Variants in SLC14A2 observed in about 807,000 individuals in gnomAD.
SLC14A2 encodes urea transporter 2.
In SLC14A2, 91 loss-of-function variants were observed where a neutral mutation model predicts 104.6. The ratio of observed to expected loss-of-function variants is 0.87; its 90% CI spans 0.73 to 1.04. SLC14A2 has a LOEUF of 1.04. SLC14A2 is among the 50% of genes least tolerant of loss of function. The pLI is 0.00. For synonymous variants in SLC14A2, 476 were observed against 466.4 expected (o/e 1.02, Z -0.27); for missense variants, 1,189 against 1,156.0 (o/e 1.03, Z -0.41).
intron 3 of SLC14A2, 120 bp from the exon 4 acceptor site, chr18:45,626,838 G>A: frequency 1.4e-6 from 1 of 699,916 alleles, no homozygotes; most frequent in East Asian, 2.9e-5. Context: ...CCCTGGCCTG[G>A]CTGAATGGGA....
At chr18:45,650,773 C>T (rs532730919) in intron 10 of SLC14A2, among the ~76,000 whole-genome samples, 1 of 152,082 alleles carries the variant, frequency 6.6e-6, no homozygotes, top group South Asian at 2.1e-4. Flanking sequence ...GAGTTTTGTT[C>T]TTGTTGCCCA....
At chr18:45,449,688 A>T (rs538802174) in intron 1 of SLC14A2, among the ~76,000 whole-genome samples, 14 of 152,300 alleles carry the variant, frequency 9.2e-5, no homozygotes, top group Middle Eastern at 3.4e-3. Context: ...CATCATATTA[A>T]GAAGAGAAGG....
At chr18:45,405,618 A>G (rs899037209) in intron 1 of SLC14A2, among the ~76,000 whole-genome samples, 2 of 152,184 alleles carry the variant, frequency 1.3e-5, no homozygotes, top group African/African-American at 4.8e-5. Context: ...CATGCTATCA[A>G]TTGGCCGGGT....
At chr18:45,530,459 G>A (rs1182958833) in intron 2 of SLC14A2, among the ~76,000 whole-genome samples, 6 of 152,062 alleles carry the variant, frequency 3.9e-5, no homozygotes, top group Admixed American at 3.9e-4. Flanking sequence ...AATCTAGACA[G>A]GTTTTCTTTT....
chr18:45,371,919 G>T (rs1445632237), intron 1 of SLC14A2, among the ~76,000 whole-genome samples: 1 of 152,212 alleles, frequency 6.6e-6, no homozygotes, highest in African/African-American at 2.4e-5. Context: ...CTGATGCAGA[G>T]TTAAGTGTTC....
the SLC14A2 span, among the ~76,000 whole-genome samples, chr18:45,178,601 C>T: frequency 6.6e-6 from 1 of 152,200 alleles, no homozygotes; most frequent in Non-Finnish European, 1.5e-5. Flanking sequence ...AATAGAATCA[C>T]TAGTAAAATA....
intron 1 of SLC14A2, among the ~76,000 whole-genome samples, chr18:45,466,964 A>G (rs2087155443): frequency 6.6e-6 from 1 of 152,040 alleles, no homozygotes; most frequent in African/African-American, 2.4e-5. Context: ...TTTCAGGGAC[A>G]TGTGTATTTT....
chr18:45,222,120 C>T (rs2084068341), intron 1 of SLC14A2, among the ~76,000 whole-genome samples: 1 of 152,136 alleles, frequency 6.6e-6, no homozygotes, highest in Admixed American at 6.6e-5. Context: ...AACTACTAGT[C>T]TGGGATTTGA....
At chr18:45,243,947 T>C (rs373560007) in intron 1 of SLC14A2, among the ~76,000 whole-genome samples, 1 of 152,184 alleles carries the variant, frequency 6.6e-6, no homozygotes, top group African/African-American at 2.4e-5. Context: ...ACAAGAGTTA[T>C]GGTATTCGGG....
chr18:45,476,104 G>T (rs1051372571), intron 1 of SLC14A2, among the ~76,000 whole-genome samples: 76 of 152,104 alleles, frequency 5.0e-4, no homozygotes, highest in Non-Finnish European at 1.6e-4. Flanking sequence ...GTATGTTTTT[G>T]CAGTGGCTGG....
chr18:45,377,497 A>G (rs942503799), intron 1 of SLC14A2, among the ~76,000 whole-genome samples: 5 of 152,150 alleles, frequency 3.3e-5, no homozygotes, highest in Non-Finnish European at 7.4e-5. Flanking sequence ...ACCAAAGTCT[A>G]AAACCTAGTC....
At chr18:45,382,968 C>T (rs766010292) in intron 1 of SLC14A2, among the ~76,000 whole-genome samples, 5 of 152,170 alleles carry the variant, frequency 3.3e-5, no homozygotes, top group Non-Finnish European at 7.3e-5. Flanking sequence ...GTCTCCAATG[C>T]AGTGTTGAGA....
chr18:45,648,427 G>T (rs59756331), intron 10 of SLC14A2, among the ~76,000 whole-genome samples: 1 of 151,788 alleles, frequency 6.6e-6, no homozygotes, highest in African/African-American at 2.4e-5. Flanking sequence ...GGATGGTCTC[G>T]ATCTCCTGAC....
At chr18:45,278,123 G>A (rs369074839) in intron 1 of SLC14A2, among the ~76,000 whole-genome samples, 9 of 152,176 alleles carry the variant, frequency 5.9e-5, no homozygotes, top group East Asian at 1.9e-4. Flanking sequence ...TTGACAAAGA[G>A]CTATTTCCAG....
At chr18:45,523,065 G>T (rs2043538613) in intron 2 of SLC14A2, among the ~76,000 whole-genome samples, 1 of 152,196 alleles carries the variant, frequency 6.6e-6, no homozygotes, top group Non-Finnish European at 1.5e-5. Flanking sequence ...GCAAGCTGTA[G>T]TCTGCACTGG....
chr18:45,342,782 G>C (rs1329930580), intron 1 of SLC14A2, among the ~76,000 whole-genome samples: 1 of 152,136 alleles, frequency 6.6e-6, no homozygotes, highest in Non-Finnish European at 1.5e-5. Context: ...TATTCCTAAC[G>C]TCCAAGACCT....
the SLC14A2 span, among the ~76,000 whole-genome samples, chr18:45,179,220 T>C: frequency 6.6e-6 from 1 of 152,196 alleles, no homozygotes; most frequent in Non-Finnish European, 1.5e-5. Context: ...TCCTGTATCA[T>C]AGCACACCAA....
chr18:45,451,341 A>T (rs1022433464), intron 1 of SLC14A2, among the ~76,000 whole-genome samples: 1 of 152,192 alleles, frequency 6.6e-6, no homozygotes, highest in African/African-American at 2.4e-5. Context: ...AATGCGTTCA[A>T]TTTGGAAGAA....
At chr18:45,170,564 CAG>C in the SLC14A2 span, among the ~76,000 whole-genome samples, 3 of 152,272 alleles carry the variant, frequency 2.0e-5, no homozygotes, top group East Asian at 5.8e-4. Context: ...TCCTGCAAGA[CAG>C]AAATTGTAGG....
Sources: allele counts gnomAD v4.1 joint callset (sites outside exome capture counted in the v4.1 genomes callset), GRCh38; gene constraint gnomAD v4.1.1; transcripts MANE v1.5; gene names NCBI Gene and HGNC (gene_info 2026-07-23, HGNC 2026-07-21).